Variants in ANAPC5 observed in about 807,000 individuals in gnomAD.
The protein encoded by ANAPC5 is anaphase promoting complex subunit 5.
In ANAPC5, 60 loss-of-function variants were observed where a neutral mutation model predicts 91.3. The ratio of observed to expected loss-of-function variants is 0.66; its 90% confidence interval spans 0.53 to 0.81. The LOEUF (loss-of-function observed/expected upper bound fraction) is 0.81, where lower values mean the gene tolerates loss of function less well. ANAPC5 is among the 40% of genes least tolerant of loss of function. The pLI, the probability that ANAPC5 is intolerant of heterozygous loss-of-function variation, is 0.00. For synonymous variants in ANAPC5, 340 were observed against 364.1 expected (o/e 0.93, Z 0.75); for missense variants, 690 against 931.5 (o/e 0.74, Z 3.37).
chr12:121,315,780 T>C (rs539028301), intron 15 of ANAPC5, among the ~76,000 whole-genome samples: 1 of 152,316 alleles, frequency 6.6e-6, no homozygotes, highest in Non-Finnish European at 1.5e-5. Context: ...CCCTATCTCA[T>C]AGTATATACA....
At chr12:121,353,435 C>CTTTTGTTTTGTTTTGTTTTGTTTTG (rs61516038), upstream of ANAPC5, among the ~76,000 whole-genome samples, 3 of 150,826 alleles carry the variant, frequency 2.0e-5, no homozygotes, top group Non-Finnish European at 4.4e-5. Flanking sequence ...TGCCTTGTGC[C>CTTTTGTTTTGTTTTGTTTTGTTTTG]TTTTGTTTTG....
chr12:121,334,690 A>G (rs1903163400), intron 7 of ANAPC5: 1 of 152,228 alleles, frequency 6.6e-6, no homozygotes, highest in African/African-American at 2.4e-5. Flanking sequence ...CACCTGACTG[A>G]GCAGCCTGAA....
intron 11 of ANAPC5, among the ~76,000 whole-genome samples, chr12:121,323,185 G>T (rs1902687493): frequency 6.6e-6 from 1 of 152,076 alleles, no homozygotes; most frequent in South Asian, 2.1e-4. Context: ...AAGTATCTTT[G>T]CTTATATAAT....
chr12:121,337,488 C>A, intron 5 of ANAPC5, 96 bp from the exon 6 acceptor site: 1 of 945,810 alleles, frequency 1.1e-6, no homozygotes, highest in South Asian at 1.5e-5. Context: ...TTCTTTTCTA[C>A]AGGGGTCCCT....
Position 121,337,324 on chromosome 12 carries a change from A to ATT in ANAPC5, c.724_725dup (p.Asn242LysfsTer4). 1 of 1,613,780 alleles carries ATT rather than the reference A, an allele frequency of 6.2e-7. No individual in the cohort carries two copies. The highest frequency in any genetic ancestry group is 8.5e-7 in the Non-Finnish European group (1 of 1,179,772). ...CAAAATCAGGATTAAATTTCAACAAATTGTTTAATTCCTTCTGCAAGGAAG... is the reference window on the plus strand; with the variant it reads ...CAAAATCAGGATTAAATTTCAACAAATTTTGTTTAATTCCTTCTGCAAGGAAG... On this transcript the variant is annotated frameshift_variant, in exon 6 of 17. Transcript: ENST00000261819. LOFTEE classifies it high-confidence loss of function.
intron 5 of ANAPC5, among the ~76,000 whole-genome samples, 174 bp downstream of exon 5, chr12:121,341,829 C>T (rs1555274117): frequency 6.6e-6 from 1 of 152,058 alleles, no homozygotes; most frequent in Non-Finnish European, 1.5e-5. Flanking sequence ...TAGGAAGGGG[C>T]ACAGAGCTAC....
chr12:121,342,836 C>A lies in ANAPC5; in HGVS notation c.591-767G>T, dbSNP rs901114936. On this transcript the variant is annotated intron_variant, in intron 4 of 16. Coordinates refer to ENST00000261819, the MANE Select transcript of ANAPC5 (RefSeq NM_016237.5). The surrounding 1 kb of genome is among the most constrained non-coding windows in gnomAD (Gnocchi z 4.1). ...ATCACGCCACTGCACTCCAGCCTGG[C>A]GGCAGAGCGAGACTTCATCTCAAAA... is the stretch of plus-strand genomic sequence containing the variant. 1.3e-5 allele frequency among the ~76,000 whole-genome samples: 2 copies of A among 151,970 alleles called. No homozygotes were observed. Among genetic ancestry groups the A allele is most frequent in the African/African-American group, 4.8e-5 (2 of 41,368 alleles).
chr12:121,347,739 C>A (rs1903725316), intron 2 of ANAPC5, 63 bp downstream of exon 2: 30 of 1,279,472 alleles, frequency 2.3e-5, no homozygotes, highest in Non-Finnish European at 3.4e-5. Flanking sequence ...CTACCACATA[C>A]CCTTTTGTGA....
At chr12:121,354,194 G>A (rs568637035), upstream of ANAPC5, among the ~76,000 whole-genome samples, 17 of 151,888 alleles carry the variant, frequency 1.1e-4, no homozygotes, top group African/African-American at 4.1e-4. Flanking sequence ...TCACCATGTT[G>A]GCCCGGCTGG....
chr12:121,330,517 T>C, intron 9 of ANAPC5, 66 bp downstream of exon 9: 1 of 1,320,620 alleles, frequency 7.6e-7, no homozygotes, highest in Non-Finnish European at 1.1e-6. Flanking sequence ...ATGACAGAGG[T>C]GGGCAGAAAA....
intron 2 of ANAPC5, chr12:121,347,331 A>T (rs1903707564): frequency 3.4e-6 from 1 of 297,168 alleles, no homozygotes; most frequent in Admixed American, 4.9e-5. Context: ...CAGTATGCTT[A>T]ATGTTACCCA....
At chr12:121,321,872 CT>C (rs546471144) in intron 11 of ANAPC5, among the ~76,000 whole-genome samples, 8 of 135,898 alleles carry the variant, frequency 5.9e-5, no homozygotes, top group Non-Finnish European at 8.1e-5. Context: ...GTTGTTGTTG[CT>C]TTTTTTTTTC....
intron 6 of ANAPC5, among the ~76,000 whole-genome samples, chr12:121,336,991 G>A (rs782739674): frequency 6.6e-6 from 1 of 152,082 alleles, no homozygotes; most frequent in Non-Finnish European, 1.5e-5. Context: ...AGGCCGACGC[G>A]GGCAGATCAT....
Position 121,352,394 on chromosome 12 carries a change from A to C in ANAPC5, c.-54T>G, listed in dbSNP as rs1903938937. On this transcript the variant is annotated 5_prime_UTR_variant, in exon 1 of 17. Transcript: ENST00000261819. ...CGGCGCGCTGCCGCCAGTTGTCACC[A>C]CAAGGCACAACACTACCGGGTCTAC... The C allele has an allele frequency of 2.9e-6, 4 of 1,397,804 alleles. No homozygotes were observed. The highest frequency in any genetic ancestry group is 1.4e-5 in the African/African-American group (1 of 69,646). The allele number at this position is 1,397,804 out of a possible 1,614,324, so 86.6% of individuals were successfully genotyped here. A position where few individuals can be genotyped will look rare whatever the true frequency, so the allele number is the denominator to read the frequency against.
In ANAPC5 at chr12:121,345,824, G is replaced by A. The variant is rs782589996; in HGVS notation, c.590+15C>T. ...TTTCACAGGAAAAGGATCCCTGTCA[G>A]AAAAGCCAAATTACCTTACAGATAC... On this transcript the variant is annotated intron_variant, in intron 4 of 16. Coordinates refer to ENST00000261819, the MANE Select transcript of ANAPC5 (RefSeq NM_016237.5). 1.2e-6 allele frequency: 2 copies of A among 1,607,634 alleles called. No homozygotes were observed. Among genetic ancestry groups the A allele is most frequent in the Non-Finnish European group, 1.7e-6 (2 of 1,177,726 alleles).
At chr12:121,322,312 C>T (rs1267946569) in intron 11 of ANAPC5, among the ~76,000 whole-genome samples, 2 of 151,988 alleles carry the variant, frequency 1.3e-5, no homozygotes, top group Non-Finnish European at 1.5e-5. Context: ...GCAGACACCA[C>T]CACACCCAGC....
chr12:121,341,158 G>A (rs891415357), intron 5 of ANAPC5, among the ~76,000 whole-genome samples: 3 of 150,784 alleles, frequency 2.0e-5, no homozygotes, highest in Non-Finnish European at 3.0e-5. Flanking sequence ...GTGAGACTCC[G>A]TCTCAAAAAA....
At chr12:121,310,036 C>G in intron 15 of ANAPC5, 173 bp from the exon 16 acceptor site, 1 of 510,636 alleles carries the variant, frequency 2.0e-6, no homozygotes, top group Non-Finnish European at 3.3e-6. Context: ...ATGTGACAAT[C>G]TGATTTCAGA....
chr12:121,319,055 A>G (rs1902489448), intron 13 of ANAPC5, among the ~76,000 whole-genome samples: 1 of 152,020 alleles, frequency 6.6e-6, no homozygotes, highest in Non-Finnish European at 1.5e-5. Context: ...GAAAGAATAA[A>G]TTGTATGTGT....
Sources: allele counts gnomAD v4.1 joint callset (sites outside exome capture counted in the v4.1 genomes callset), GRCh38; gene constraint gnomAD v4.1.1; non-coding constraint Gnocchi (gnomAD v3.1); transcripts MANE v1.5; gene names NCBI Gene and HGNC (gene_info 2026-07-23, HGNC 2026-07-21).